Variants in ACAP2 observed in about 807,000 individuals in gnomAD.
ACAP2 encodes ArfGAP with coiled-coil, ankyrin repeat and PH domains 2.
In ACAP2, 39 loss-of-function variants were observed where a neutral mutation model predicts 115.8. The ratio of observed to expected loss-of-function variants is 0.34; its 90% CI spans 0.26 to 0.44. The LOEUF is 0.44. Ranked by LOEUF, ACAP2 falls within the 20% of genes least tolerant of loss-of-function variation. The pLI, the probability that ACAP2 is intolerant of heterozygous loss-of-function variation, is 1.00. For synonymous variants in ACAP2, 289 were observed against 315.8 expected, an observed-to-expected ratio of 0.92 and a Z score of 0.90; for missense variants, 662 against 927.6, an observed-to-expected ratio of 0.71 and a Z score of 3.72.
At chr3:195,350,556 G>A (rs1449722792) in intron 4 of ACAP2, among the ~76,000 whole-genome samples, 3 of 151,520 alleles carry the variant, frequency 2.0e-5, no homozygotes, top group African/African-American at 7.3e-5. Context: ...GGCTAAGGCA[G>A]GAGGATTACT....
intron 8 of ACAP2, among the ~76,000 whole-genome samples, chr3:195,329,258 TC>T (rs1344404353): frequency 6.6e-6 from 1 of 152,168 alleles, no homozygotes; most frequent in Non-Finnish European, 1.5e-5. Context: ...CAGAGTCTTA[TC>T]TTCTAGACAT....
chr3:195,367,010 T>C (rs1390286354), intron 4 of ACAP2, among the ~76,000 whole-genome samples: 5 of 134,388 alleles, frequency 3.7e-5, no homozygotes, highest in Non-Finnish European at 7.6e-5. Flanking sequence ...CAGAAGAGCA[T>C]AGCTGTGTTC....
chr3:195,329,137 A>G (rs1333532099), intron 8 of ACAP2, among the ~76,000 whole-genome samples: 1 of 152,188 alleles, frequency 6.6e-6, no homozygotes. Flanking sequence ...TCTAACCAAA[A>G]AAGTGGGGAC....
intron 2 of ACAP2, among the ~76,000 whole-genome samples, chr3:195,390,679 G>C (rs1353153356): frequency 1.3e-5 from 2 of 152,160 alleles, no homozygotes; most frequent in Admixed American, 6.5e-5. Context: ...TTTTTCACAA[G>C]ATGGGATCCC....
intron 22 of ACAP2, among the ~76,000 whole-genome samples, chr3:195,281,392 G>A (rs371501420): frequency 9.4e-4 from 143 of 151,888 alleles, no homozygotes; most frequent in Middle Eastern, 3.4e-3. Context: ...GCAACAGAGC[G>A]AGACTCCGCC....
At chr3:195,295,285 C>T in intron 17 of ACAP2, 4 of 1,292,290 alleles carry the variant, frequency 3.1e-6, no homozygotes, top group Non-Finnish European at 4.0e-6. Flanking sequence ...GGCCTCGTCG[C>T]TATTTACAGC....
Position 195,297,219 on chromosome 3 carries a change from C to A in ACAP2, c.1458G>T (p.Met486Ile). Reference protein sequence around the residue: ...NRVYEANVEKMGIKKPQPGQR... With the variant: ...NRVYEANVEKIGIKKPQPGQR... ...GTCCTGGTTGGGGTTTCTTTATTCC[C>A]ATTTTTTCCACATTAGCTTCATAAA... The change falls in exon 16 of 23, where the codon ATG becomes ATT. Residue 486 changes from methionine to isoleucine, a missense_variant. Coordinates refer to ENST00000326793, the MANE Select transcript of ACAP2 (RefSeq NM_012287.6). 6.2e-7 allele frequency: 1 copy of A among 1,612,856 alleles called. No homozygotes were observed.
intron 1 of ACAP2, among the ~76,000 whole-genome samples, chr3:195,428,221 G>A (rs565886759): frequency 8.4e-4 from 126 of 150,324 alleles, no homozygotes; most frequent in African/African-American, 2.9e-3. Flanking sequence ...ATAATTATAT[G>A]TATGTATATA....
At chr3:195,437,268 C>A (rs1715617072) in intron 1 of ACAP2, among the ~76,000 whole-genome samples, 1 of 151,638 alleles carries the variant, frequency 6.6e-6, no homozygotes, top group African/African-American at 2.4e-5. Flanking sequence ...ATTTCAAACT[C>A]CTGGCCTCAA....
At chr3:195,301,885 G>C in intron 14 of ACAP2, 81 bp downstream of exon 14, 1 of 1,470,742 alleles carries the variant, frequency 6.8e-7, no homozygotes, top group Non-Finnish European at 9.3e-7. Context: ...AAGTGGAAAA[G>C]GGCAACTAAC....
intron 17 of ACAP2, chr3:195,295,182 A>G: frequency 8.1e-7 from 1 of 1,236,754 alleles, no homozygotes; most frequent in Non-Finnish European, 1.1e-6. Context: ...ATGCTCCACA[A>G]GAGTAGTACT....
intron 18 of ACAP2, among the ~76,000 whole-genome samples, chr3:195,292,963 G>A (rs1577245868): frequency 7.0e-6 from 1 of 142,132 alleles, no homozygotes; most frequent in African/African-American, 2.6e-5. Context: ...TAAATTTTAT[G>A]TGCATTTTAT....
intron 5 of ACAP2, 82 bp downstream of exon 5, chr3:195,345,177 A>G (rs1389329157): frequency 6.2e-6 from 6 of 966,316 alleles, no homozygotes; most frequent in African/African-American, 3.2e-5. Flanking sequence ...TTCATGGTAT[A>G]TAACTTCTTC....
chr3:195,442,680 G>T, intron 1 of ACAP2, 115 bp downstream of exon 1: 8 of 1,147,538 alleles, frequency 7.0e-6, no homozygotes, highest in Non-Finnish European at 9.6e-6. Context: ...ACAGCCGCTC[G>T]CCCCGTCGGA....
chr3:195,359,582 C>T (rs1236337612), intron 4 of ACAP2, among the ~76,000 whole-genome samples: 1 of 152,184 alleles, frequency 6.6e-6, no homozygotes, highest in Non-Finnish European at 1.5e-5. Context: ...ATTCTCCTGC[C>T]TCAGCCTCCC....
chr3:195,383,661 CATA>C (rs1734097110), intron 2 of ACAP2, among the ~76,000 whole-genome samples: 1 of 149,758 alleles, frequency 6.7e-6, no homozygotes, highest in South Asian at 2.1e-4. Context: ...AATCCAATTA[CATA>C]ATAAGACATT....
intron 4 of ACAP2, among the ~76,000 whole-genome samples, chr3:195,348,140 T>C (rs1218821843): frequency 1.3e-5 from 2 of 151,664 alleles, no homozygotes; most frequent in African/African-American, 2.4e-5. Context: ...ATTAATAATA[T>C]TGAGGCATGG....
At chr3:195,318,726 T>C (rs1224688465) in intron 10 of ACAP2, among the ~76,000 whole-genome samples, 1 of 152,126 alleles carries the variant, frequency 6.6e-6, no homozygotes, top group Non-Finnish European at 1.5e-5. Flanking sequence ...AAATTGGAAC[T>C]TAGTTTAAAA....
chr3:195,319,464 A>T (rs950218411), intron 10 of ACAP2, among the ~76,000 whole-genome samples: 12 of 152,202 alleles, frequency 7.9e-5, no homozygotes, highest in Non-Finnish European at 1.8e-4. Flanking sequence ...CAGGGGCTAC[A>T]CTCTGCAGAG....
Sources: allele counts gnomAD v4.1 joint callset (sites outside exome capture counted in the v4.1 genomes callset), GRCh38; gene constraint gnomAD v4.1.1; transcripts MANE v1.5; gene names NCBI Gene and HGNC (gene_info 2026-07-23, HGNC 2026-07-21).